The following TMTC2 variants were observed in gnomAD, a reference collection of about 807,000 sequenced individuals.
The protein encoded by TMTC2 is transmembrane O-mannosyltransferase targeting cadherins 2, also known as protein O-mannosyl-transferase TMTC2.
Under a neutral mutation model 82.4 loss-of-function variants are expected in TMTC2, and 43 were observed. That is an observed-to-expected ratio of 0.52 (90% CI 0.41 to 0.67). The LOEUF (loss-of-function observed/expected upper bound fraction) is 0.67. TMTC2 is among the 30% of genes least tolerant of loss of function. The probability of loss-of-function intolerance (pLI) is 0.00; values close to 1 mark genes in which losing one functional copy is unlikely to be tolerated. For missense variants in TMTC2, 919 were observed against 1,012.4 expected (o/e 0.91, Z 1.25); for synonymous variants, 408 against 381.9 (o/e 1.07, Z -0.80).
rs1420381133 is a variant in TMTC2, at chr12:82,773,586, G to T, written c.84-83424G>T. 2.2e-3 allele frequency among the ~76,000 whole-genome samples: 341 copies of T among 151,560 alleles called. 2 individuals carry two copies. The highest frequency in any genetic ancestry group is 3.1e-3 in the Non-Finnish European group (213 of 67,856). On this transcript the variant is annotated intron_variant, in intron 1 of 11. Coordinates refer to ENST00000321196, the MANE Select transcript of TMTC2 (RefSeq NM_152588.3). ...AGTGATTCTCCTGCCTCAGCCTCCT[G>T]AGTAGCTGGGATTACAGGCGTGTGC... is the stretch of plus-strand genomic sequence containing the variant.
intron 1 of TMTC2, among the ~76,000 whole-genome samples, chr12:82,769,870 A>G (rs546734227): frequency 1.6e-4 from 25 of 152,256 alleles, no homozygotes; most frequent in African/African-American, 5.8e-4. Flanking sequence ...TCGGCCTCCC[A>G]AAGTGCTGGG....
chr12:82,699,705 T>C (rs1006676983), intron 1 of TMTC2, among the ~76,000 whole-genome samples: 1 of 152,108 alleles, frequency 6.6e-6, no homozygotes, highest in Non-Finnish European at 1.5e-5. Context: ...GTGGTACATT[T>C]TGGGTAACAA....
intron 1 of TMTC2, among the ~76,000 whole-genome samples, chr12:82,833,828 A>T (rs1460632813): frequency 6.6e-6 from 1 of 152,226 alleles, no homozygotes; most frequent in Non-Finnish European, 1.5e-5. Flanking sequence ...AGGACTGGGG[A>T]ATGTTTTTCC....
intron 2 of TMTC2, among the ~76,000 whole-genome samples, chr12:82,877,077 A>G (rs1469168916): frequency 1.3e-5 from 2 of 152,108 alleles, no homozygotes; most frequent in Non-Finnish European, 2.9e-5. Context: ...TTAAATATCA[A>G]AGTTCATTAG....
chr12:82,785,987 C>T (rs1439236712), intron 1 of TMTC2, among the ~76,000 whole-genome samples: 3 of 152,046 alleles, frequency 2.0e-5, no homozygotes, highest in Admixed American at 6.6e-5. Context: ...GATTTCTTCC[C>T]ATGTTCTGGT....
intron 8 of TMTC2, among the ~76,000 whole-genome samples, chr12:83,008,947 G>T (rs1880327881): frequency 6.6e-6 from 1 of 152,152 alleles, no homozygotes; most frequent in Admixed American, 6.5e-5. Flanking sequence ...CTATTATACA[G>T]AAGGCCAGCT....
intron 3 of TMTC2, among the ~76,000 whole-genome samples, chr12:82,903,521 C>T (rs939147573): frequency 6.6e-6 from 1 of 152,202 alleles, no homozygotes; most frequent in Non-Finnish European, 1.5e-5. Flanking sequence ...ACGCCATTCT[C>T]CTGCCTCAGC....
intron 4 of TMTC2, among the ~76,000 whole-genome samples, chr12:82,960,376 A>G (rs1035690154): frequency 2.6e-5 from 4 of 152,078 alleles, no homozygotes; most frequent in African/African-American, 7.2e-5. Flanking sequence ...TGTGGAATCA[A>G]TCTAGGTTCT....
At chr12:83,013,508 A>G (rs1355022672) in intron 8 of TMTC2, among the ~76,000 whole-genome samples, 1 of 152,328 alleles carries the variant, frequency 6.6e-6, no homozygotes, top group South Asian at 2.1e-4. Context: ...TCTGCTGGAT[A>G]TAATGCCTTC....
In TMTC2 at chr12:83,017,508, G is replaced by A. The variant is rs370359826; in HGVS notation, c.2071-13290G>A. On this transcript the variant is annotated intron_variant, in intron 8 of 11. Coordinates refer to ENST00000321196, the MANE Select transcript of TMTC2 (RefSeq NM_152588.3). Reference sequence around the variant, plus strand: ...CGTTACCTTGAAACTGCTTTCGGAAGATAAATGTTAATTTATCCCTCCTCT... The same window carrying A: ...CGTTACCTTGAAACTGCTTTCGGAAAATAAATGTTAATTTATCCCTCCTCT... Among the ~76,000 whole-genome samples, 5 of 152,142 alleles carry A rather than the reference G, an allele frequency of 3.3e-5. No individual in the cohort carries two copies. The East Asian group carries it at 7.7e-4, about 23-fold the overall frequency.
intron 1 of TMTC2, among the ~76,000 whole-genome samples, chr12:82,781,932 A>T (rs1877931241): frequency 6.6e-6 from 1 of 151,978 alleles, no homozygotes; most frequent in South Asian, 2.1e-4. Context: ...GTTGCTGTTT[A>T]CAACTGTGTG....
chr12:83,021,640 T>C (rs1163751634), intron 8 of TMTC2, among the ~76,000 whole-genome samples: 1 of 152,114 alleles, frequency 6.6e-6, no homozygotes, highest in Non-Finnish European at 1.5e-5. Context: ...GACTCTTCTT[T>C]TTCCATTATA....
intron 1 of TMTC2, among the ~76,000 whole-genome samples, chr12:82,708,163 A>C (rs1404310227): frequency 6.6e-6 from 1 of 152,158 alleles, no homozygotes; most frequent in Non-Finnish European, 1.5e-5. Context: ...GCAAAGCCTA[A>C]AATATTTACT....
At chr12:83,100,326 CA>C (rs1884175377) in intron 11 of TMTC2, among the ~76,000 whole-genome samples, 1 of 152,156 alleles carries the variant, frequency 6.6e-6, no homozygotes, top group East Asian at 1.9e-4. Flanking sequence ...CCATAATACC[CA>C]ATAAGGGAGG....
At chr12:82,694,586 A>T (rs11609532) in intron 1 of TMTC2, among the ~76,000 whole-genome samples, 7 of 152,144 alleles carry the variant, frequency 4.6e-5, no homozygotes, top group Non-Finnish European at 1.0e-4. Flanking sequence ...AGTGTGGCAC[A>T]GCATGTAGTT....
At chr12:82,876,794 T>A (rs1312584554) in intron 2 of TMTC2, among the ~76,000 whole-genome samples, 1 of 152,232 alleles carries the variant, frequency 6.6e-6, no homozygotes, top group African/African-American at 2.4e-5. Context: ...TGAGGCAGTA[T>A]AATGCCTGCT....
At chr12:83,031,970 G>A (rs530338608) in intron 9 of TMTC2, among the ~76,000 whole-genome samples, 2 of 152,146 alleles carry the variant, frequency 1.3e-5, no homozygotes, top group South Asian at 4.1e-4. Flanking sequence ...TAAAATAGTA[G>A]TCAACTAATT....
chr12:83,062,175 G>C (rs2137473922), intron 11 of TMTC2, among the ~76,000 whole-genome samples: 1 of 151,534 alleles, frequency 6.6e-6, no homozygotes, highest in South Asian at 2.1e-4. Context: ...AGGGTTTTTT[G>C]GCTGTGGCAT....
intron 11 of TMTC2, among the ~76,000 whole-genome samples, chr12:83,100,308 C>G (rs747737131): frequency 6.6e-6 from 1 of 152,098 alleles, no homozygotes; most frequent in Non-Finnish European, 1.5e-5. Context: ...TCCTCTATTA[C>G]TTATTCCCCA....
Sources: gnomAD v4.1 joint callset for allele counts (sites outside exome capture counted in the v4.1 genomes callset) on GRCh38, gnomAD v4.1.1 for gene constraint, MANE v1.5 for transcripts, NCBI Gene and HGNC (gene_info 2026-07-23, HGNC 2026-07-21) for gene names.